Variants in DGKI observed in about 807,000 individuals in gnomAD.
DGKI encodes the protein diacylglycerol kinase iota.
A neutral mutation model predicts 147.5 loss-of-function variants in DGKI; 55 were observed. That is an observed-to-expected ratio of 0.37 (90% CI 0.30 to 0.47). DGKI has a LOEUF of 0.47. Among genes scored for constraint, DGKI ranks in the 20% least tolerant of loss-of-function variants. DGKI has a pLI of 1.00. For synonymous variants in DGKI, 469 were observed against 477.1 expected (o/e 0.98, Z 0.22); for missense variants, 1,007 against 1,323.8 (o/e 0.76, Z 3.71).
intron 1 of DGKI, among the ~76,000 whole-genome samples, chr7:137,831,413 G>A (rs764398609): frequency 3.9e-5 from 6 of 152,228 alleles, no homozygotes; most frequent in Admixed American, 1.3e-4. Context: ...CCTCACAATC[G>A]TGGCAGACGG....
chr7:137,524,481 T>C (rs1817072618), intron 20 of DGKI, among the ~76,000 whole-genome samples: 1 of 152,022 alleles, frequency 6.6e-6, no homozygotes, highest in African/African-American at 2.4e-5. Context: ...GCAAAGAGTG[T>C]TAGGAATTAG....
intron 11 of DGKI, among the ~76,000 whole-genome samples, chr7:137,599,368 C>A (rs557991654): frequency 6.6e-6 from 1 of 151,968 alleles, no homozygotes; most frequent in Admixed American, 6.6e-5. Flanking sequence ...TCAATTGATT[C>A]TCTCTCTCTC....
At position 137,381,355 on chromosome 7, in the gene DGKI, A is replaced by G. The variant is rs1811056612; in HGVS notation, c.*9865T>C. On this transcript the variant is annotated 3_prime_UTR_variant, in exon 33 of 33. Coordinates refer to ENST00000614521, the MANE Select transcript of DGKI (RefSeq NM_001321708.2). ...TGAATCCTCCTTTACCTGGAAATAA[A>G]ACTTTAATCTTTCTACTGCCACAGC... 1 of 126,490 alleles carries G rather than the reference A, an allele frequency of 7.9e-6. No homozygotes were observed. The highest frequency in any genetic ancestry group is 3.0e-5 in the African/African-American group (1 of 33,190). 7.8% of individuals were successfully genotyped at this position (126,490 alleles called of 1,614,324 possible).
At chr7:137,694,017 T>C (rs1465682110) in intron 1 of DGKI, among the ~76,000 whole-genome samples, 2 of 152,188 alleles carry the variant, frequency 1.3e-5, no homozygotes, top group Non-Finnish European at 2.9e-5. Context: ...TCTTCATAAA[T>C]AGAAATTTAA....
intron 1 of DGKI, among the ~76,000 whole-genome samples, chr7:137,731,943 C>T (rs913718215): frequency 2.6e-5 from 4 of 152,216 alleles, no homozygotes; most frequent in East Asian, 1.9e-4. Flanking sequence ...AAATAAATTA[C>T]TGCATGTTTA....
At chr7:137,709,062 T>C (rs563439331) in intron 1 of DGKI, among the ~76,000 whole-genome samples, 2 of 152,330 alleles carry the variant, frequency 1.3e-5, no homozygotes, top group South Asian at 4.1e-4. Context: ...GTCACTTCGC[T>C]GCTCCAACCC....
intron 26 of DGKI, among the ~76,000 whole-genome samples, chr7:137,465,214 G>C (rs1363208772): frequency 6.6e-6 from 1 of 152,016 alleles, no homozygotes; most frequent in East Asian, 1.9e-4. Context: ...TATGAATTAA[G>C]GATAATTGTA....
intron 21 of DGKI, among the ~76,000 whole-genome samples, chr7:137,510,854 A>C (rs1327000828): frequency 6.6e-6 from 1 of 152,186 alleles, no homozygotes; most frequent in East Asian, 1.9e-4. Context: ...TGAATAAACA[A>C]ATTATACATG....
intron 28 of DGKI, among the ~76,000 whole-genome samples, chr7:137,413,856 C>G (rs561274618): frequency 3.9e-4 from 60 of 152,264 alleles, no homozygotes; most frequent in African/African-American, 1.4e-3. Flanking sequence ...GAGAAATCTC[C>G]AAACTGCTTT....
intron 2 of DGKI, among the ~76,000 whole-genome samples, chr7:137,680,316 C>T (rs1823192108): frequency 1.3e-5 from 2 of 152,192 alleles, no homozygotes. Flanking sequence ...GCTAACAAGT[C>T]TGCCATTTTG....
chr7:137,623,916 C>A (rs1390481684), intron 6 of DGKI, among the ~76,000 whole-genome samples: 1 of 151,626 alleles, frequency 6.6e-6, no homozygotes, highest in Non-Finnish European at 1.5e-5. Context: ...TCTTGTCTAA[C>A]AATAATCATT....
intron 8 of DGKI, among the ~76,000 whole-genome samples, chr7:137,611,161 G>A (rs1374118748): frequency 6.6e-6 from 1 of 152,150 alleles, no homozygotes; most frequent in African/African-American, 2.4e-5. Context: ...ATTTCTGTTT[G>A]TTTAAAAGGG....
At chr7:137,488,035 T>C (rs1030522221) in intron 21 of DGKI, among the ~76,000 whole-genome samples, 6 of 152,182 alleles carry the variant, frequency 3.9e-5, no homozygotes, top group Non-Finnish European at 8.8e-5. Flanking sequence ...TATGCTTGCA[T>C]TTTTTATGCT....
At chr7:137,743,709 C>A (rs562473138) in intron 1 of DGKI, among the ~76,000 whole-genome samples, 4 of 152,086 alleles carry the variant, frequency 2.6e-5, no homozygotes, top group South Asian at 2.1e-4. Context: ...CTTGGCCGGG[C>A]GCGGTGGCTG....
intron 15 of DGKI, among the ~76,000 whole-genome samples, chr7:137,580,865 C>A (rs1441412999): frequency 6.6e-6 from 1 of 151,956 alleles, no homozygotes; most frequent in African/African-American, 2.4e-5. Context: ...CTTACATAAC[C>A]TGGAGGGAAA....
chr7:137,602,235 T>C (rs575511020), intron 10 of DGKI, among the ~76,000 whole-genome samples: 5 of 152,226 alleles, frequency 3.3e-5, no homozygotes, highest in Non-Finnish European at 7.3e-5. Flanking sequence ...TGTGCTATAG[T>C]AGAGTGCACA....
At position 137,507,280 on chromosome 7, in the gene DGKI, C is replaced by A. The variant is rs549413632; in HGVS notation, c.2248+14586G>T. Among the ~76,000 whole-genome samples, 6 of 152,290 alleles carry A rather than the reference C, an allele frequency of 3.9e-5. No individual in the cohort carries two copies. The South Asian group carries it at 6.2e-4, about 16-fold the overall frequency. On this transcript the variant is annotated intron_variant, in intron 21 of 32. Transcript: ENST00000614521. ...TTCCCTAGCTTGAGCTAAACCAGGT[C>A]CTGTCTATAGTCCATTAAAAATGTC...
intron 27 of DGKI, among the ~76,000 whole-genome samples, chr7:137,458,234 T>C (rs1181149871): frequency 6.6e-6 from 1 of 152,172 alleles, no homozygotes; most frequent in Admixed American, 6.5e-5. Context: ...TTTGATAGCA[T>C]TATCTTTCCT....
At chr7:137,658,683 C>T (rs1017848131) in intron 3 of DGKI, among the ~76,000 whole-genome samples, 1 of 152,182 alleles carries the variant, frequency 6.6e-6, no homozygotes, top group Non-Finnish European at 1.5e-5. Context: ...AAGGAAGATG[C>T]GGAGAAAACT....
Sources: gnomAD v4.1 joint callset for allele counts (sites outside exome capture counted in the v4.1 genomes callset) on GRCh38, gnomAD v4.1.1 for gene constraint, MANE v1.5 for transcripts, NCBI Gene and HGNC (gene_info 2026-07-23, HGNC 2026-07-21) for gene names.